Variants in CHST15 observed in about 807,000 individuals in gnomAD.
CHST15 encodes carbohydrate sulfotransferase 15.
CHST15 carries 30 observed loss-of-function variants against 53.6 expected under a neutral mutation model. The observed-to-expected ratio is 0.56, with a 90% confidence interval of 0.42 to 0.76. CHST15 has a LOEUF of 0.76. Among genes scored for constraint, CHST15 ranks in the 30% least tolerant of loss-of-function variants. The pLI is 0.00. For synonymous variants in CHST15, 296 were observed against 289.8 expected (o/e 1.02, Z -0.22); for missense variants, 627 against 740.5 (o/e 0.85, Z 1.78).
chr10:124,073,128 C>T (rs914965186), intron 1 of CHST15, among the ~76,000 whole-genome samples: 1 of 152,226 alleles, frequency 6.6e-6, no homozygotes, highest in Non-Finnish European at 1.5e-5. Context: ...AACAGAAAGG[C>T]ATCCATATGC....
intron 3 of CHST15, among the ~76,000 whole-genome samples, chr10:124,043,473 G>A (rs1412074359): frequency 6.6e-6 from 1 of 152,256 alleles, no homozygotes; most frequent in African/African-American, 2.4e-5. Context: ...CACATTAAGA[G>A]TTGGTCTAGG....
intron 1 of CHST15, among the ~76,000 whole-genome samples, chr10:124,066,658 C>G (rs553079187): frequency 6.6e-6 from 1 of 152,296 alleles, no homozygotes; most frequent in East Asian, 1.9e-4. Context: ...TGAACAAATC[C>G]CAAAGGTGCT....
chr10:124,046,121 TG>T lies in CHST15; in HGVS notation c.91del (p.His31ThrfsTer22). On this transcript the variant is annotated frameshift_variant, in exon 2 of 8. Coordinates refer to ENST00000435907, the MANE Select transcript of CHST15 (RefSeq NM_001270764.2). LOFTEE classifies it high-confidence loss of function. ...TCCTTTGCACGTGGGGCACGCCTGG[TG>T]ACCGTGATGGGGGCCCCCTTGGCAG... is the stretch of plus-strand genomic sequence containing the variant. ...VNCQGGPHHG[H>X]QACPTCKGEN... The T allele has an allele frequency of 6.2e-7, 1 of 1,614,250 alleles. No homozygotes were observed. Among genetic ancestry groups the T allele is most frequent in the East Asian group, 2.2e-5 (1 of 44,884 alleles).
At chr10:124,040,442 A>G (rs1180034524) in intron 4 of CHST15, among the ~76,000 whole-genome samples, 1 of 152,218 alleles carries the variant, frequency 6.6e-6, no homozygotes, top group Non-Finnish European at 1.5e-5. Context: ...CAACATGTCT[A>G]AAGCTCCGGC....
chr10:124,073,990 C>T (rs1221107103), intron 1 of CHST15, among the ~76,000 whole-genome samples: 1 of 152,224 alleles, frequency 6.6e-6, no homozygotes, highest in Non-Finnish European at 1.5e-5. Flanking sequence ...ACCTTGGCAG[C>T]AACCTACGGG....
At position 124,036,304 on chromosome 10, in the gene CHST15, A is replaced by C. The variant is rs1947494878; in HGVS notation, c.1190+2211T>G. Reference sequence around the variant, plus strand: ...CGATTTCTGCCTCCAAAACACGGGAACCAGCAGGTGGGACATGGCAAGGGA... The same window carrying C: ...CGATTTCTGCCTCCAAAACACGGGACCCAGCAGGTGGGACATGGCAAGGGA... On this transcript the variant is annotated intron_variant, in intron 5 of 7. Coordinates refer to ENST00000435907, the MANE Select transcript of CHST15 (RefSeq NM_001270764.2). This position sits in a 1 kb window ranked among gnomAD's most constrained non-coding sequence, Gnocchi z 5.1. 6.6e-6 allele frequency among the ~76,000 whole-genome samples: 1 copy of C among 152,222 alleles called. No individual in the cohort carries two copies. Among genetic ancestry groups the C allele is most frequent in the Non-Finnish European group, 1.5e-5 (1 of 68,046 alleles).
At position 124,009,375 on chromosome 10, in the gene CHST15, C is replaced by A; in HGVS notation, c.*774G>T. 1 of 1,011,838 alleles carries A rather than the reference C, an allele frequency of 9.9e-7. No homozygotes were observed. The allele number at this position is 1,011,838 out of a possible 1,614,324, so 62.7% of individuals were successfully genotyped here. A position where few individuals can be genotyped will look rare whatever the true frequency, so the allele number is the denominator to read the frequency against. ...ATGCAGAAAGTGGTTTTGTTTTAAA[C>A]GCATTCATTTTCTATGTTAAACATA... On this transcript the variant is annotated 3_prime_UTR_variant, in exon 8 of 8. Coordinates refer to ENST00000435907, the MANE Select transcript of CHST15 (RefSeq NM_001270764.2).
chr10:124,033,946 A>G (rs1041306328), intron 5 of CHST15, among the ~76,000 whole-genome samples: 1 of 152,246 alleles, frequency 6.6e-6, no homozygotes, highest in African/African-American at 2.4e-5. Context: ...TTTCCGCAGC[A>G]GTACTAATTA....
chr10:124,068,549 A>G (rs1018748297), intron 1 of CHST15, among the ~76,000 whole-genome samples: 5 of 152,146 alleles, frequency 3.3e-5, no homozygotes, highest in Admixed American at 6.6e-5. Context: ...ACACTTCCAC[A>G]TTTTATTCCA....
At chr10:124,045,011 G>T in intron 2 of CHST15, 92 bp from the exon 3 acceptor site, 1 of 761,254 alleles carries the variant, frequency 1.3e-6, no homozygotes, top group South Asian at 4.7e-5. Context: ...TGAGACTGAC[G>T]ACCGTGTTCA....
At chr10:124,050,736 G>A (rs183083372) in intron 1 of CHST15, among the ~76,000 whole-genome samples, 1 of 152,290 alleles carries the variant, frequency 6.6e-6, no homozygotes, top group Non-Finnish European at 1.5e-5. Flanking sequence ...AGCCAGTCAC[G>A]TGGAGACCAG....
intron 6 of CHST15, chr10:124,020,310 C>A: frequency 1.0e-6 from 1 of 985,498 alleles, no homozygotes; most frequent in Non-Finnish European, 1.2e-6. Context: ...GGAAACCTGA[C>A]CCACACCAAT....
At chr10:124,038,127 G>A (rs1947582932) in intron 5 of CHST15, among the ~76,000 whole-genome samples, 1 of 146,004 alleles carries the variant, frequency 6.8e-6, no homozygotes, top group African/African-American at 2.5e-5. Context: ...TTTTTTTTGA[G>A]ATGGAGTCTC....
intron 4 of CHST15, among the ~76,000 whole-genome samples, chr10:124,039,276 TG>T (rs1465214121): frequency 6.6e-6 from 1 of 152,144 alleles, no homozygotes; most frequent in Non-Finnish European, 1.5e-5. Context: ...GAGAAAGAGC[TG>T]GGGCAGAGCT....
At chr10:124,017,233 C>T (rs560154740) in intron 6 of CHST15, among the ~76,000 whole-genome samples, 3 of 152,170 alleles carry the variant, frequency 2.0e-5, no homozygotes, top group Admixed American at 6.5e-5. Flanking sequence ...CAGCTTAAGC[C>T]GCTTCCTCCT....
chr10:124,039,168 T>C (rs2133968487), intron 4 of CHST15, among the ~76,000 whole-genome samples: 2 of 152,324 alleles, frequency 1.3e-5, no homozygotes, highest in Middle Eastern at 6.8e-3. Flanking sequence ...ATATGTTCTA[T>C]ACAGTAGATG....
chr10:124,069,846 A>G (rs1948858524), intron 1 of CHST15, among the ~76,000 whole-genome samples: 1 of 152,214 alleles, frequency 6.6e-6, no homozygotes, highest in South Asian at 2.1e-4. Flanking sequence ...AGGCCTGACC[A>G]AACCAGATTT....
intron 6 of CHST15, chr10:124,020,968 G>A (rs1946757183): frequency 7.1e-7 from 1 of 1,399,528 alleles, no homozygotes; most frequent in South Asian, 1.7e-5. Flanking sequence ...TAATTGCTGG[G>A]TGTCTTGCTA....
intron 1 of CHST15, among the ~76,000 whole-genome samples, chr10:124,082,607 G>A (rs1949282425): frequency 6.6e-6 from 1 of 152,200 alleles, no homozygotes; most frequent in Non-Finnish European, 1.5e-5. Flanking sequence ...ACCCAAAGAA[G>A]CTTGTACACA....
Sources: allele counts gnomAD v4.1 joint callset (sites outside exome capture counted in the v4.1 genomes callset), GRCh38; gene constraint gnomAD v4.1.1; non-coding constraint Gnocchi (gnomAD v3.1); transcripts MANE v1.5; gene names NCBI Gene and HGNC (gene_info 2026-07-23, HGNC 2026-07-21).